The following ANKS1B variants were observed in gnomAD, a reference collection of about 807,000 sequenced individuals.
The protein encoded by ANKS1B is ankyrin repeat and sterile alpha motif domain containing 1B.
ANKS1B carries 36 observed loss-of-function variants against 148.3 expected under a neutral mutation model. That is an observed-to-expected ratio of 0.24 (90% CI 0.19 to 0.32). The LOEUF (loss-of-function observed/expected upper bound fraction) is 0.32. ANKS1B is among the 10% of genes least tolerant of loss of function. ANKS1B has a pLI of 1.00. For missense variants in ANKS1B, 1,157 were observed against 1,542.6 expected (o/e 0.75, Z 4.19); for synonymous variants, 542 against 560.8 (o/e 0.97, Z 0.47).
intron 12 of ANKS1B, among the ~76,000 whole-genome samples, chr12:99,346,832 C>T (rs573384989): frequency 1.3e-5 from 2 of 152,060 alleles, no homozygotes; most frequent in East Asian, 1.9e-4. Context: ...CCCTGTAAGA[C>T]GTGCCTGCTT....
In ANKS1B at chr12:98,829,135, T is replaced by C. The variant is rs770678244; in HGVS notation, c.3066+39A>G. The C allele has an allele frequency of 2.0e-5, 33 of 1,611,942 alleles. No homozygotes were observed. Among genetic ancestry groups the C allele is most frequent in the African/African-American group, 4.0e-5 (3 of 74,842 alleles). On this transcript the variant is annotated intron_variant, in intron 19 of 26. Transcript: ENST00000683438. The surrounding 1 kb of genome is among the most constrained non-coding windows in gnomAD (Gnocchi z 5.2). ...TTCACTATTAAAAGGCATTACCTGA[T>C]ATGGTTGAAAAATATCACAAAGGCT... is the stretch of plus-strand genomic sequence containing the variant.
At chr12:99,542,347 C>CA (rs1394498472) in intron 9 of ANKS1B, among the ~76,000 whole-genome samples, 16 of 151,342 alleles carry the variant, frequency 1.1e-4, no homozygotes, top group South Asian at 2.1e-4. Flanking sequence ...ATGAACTTCA[C>CA]AAAAAAAATC....
chr12:99,121,017 C>T (rs554077042), intron 15 of ANKS1B, among the ~76,000 whole-genome samples: 1 of 151,892 alleles, frequency 6.6e-6, no homozygotes, highest in Non-Finnish European at 1.5e-5. Flanking sequence ...TTAAAGGGAT[C>T]TGATAGGAGA....
At chr12:99,959,413 G>T in intron 1 of ANKS1B, among the ~76,000 whole-genome samples, 1 of 151,658 alleles carries the variant, frequency 6.6e-6, no homozygotes, top group East Asian at 1.9e-4. Context: ...AATTCATTTA[G>T]ACTTCTCTCC....
chr12:98,994,686 C>T (rs923054187), intron 17 of ANKS1B, among the ~76,000 whole-genome samples: 1 of 152,196 alleles, frequency 6.6e-6, no homozygotes, highest in South Asian at 2.1e-4. Flanking sequence ...GCAGGGCTGA[C>T]TGCTTCTAAA....
At chr12:99,699,026 G>A (rs2054382419) in intron 8 of ANKS1B, among the ~76,000 whole-genome samples, 1 of 152,094 alleles carries the variant, frequency 6.6e-6, no homozygotes, top group Non-Finnish European at 1.5e-5. Flanking sequence ...AGCTCTAACA[G>A]ATTTTCTTAT....
chr12:98,832,339 A>C (rs1189329606), intron 17 of ANKS1B, among the ~76,000 whole-genome samples: 1 of 152,164 alleles, frequency 6.6e-6, no homozygotes, highest in East Asian at 1.9e-4. Context: ...TCAGGGGCAC[A>C]AAGAGAAGGG....
rs1481947808 is a variant in ANKS1B, at chr12:98,786,944, C to G, written c.3343-4807G>C. Among the ~76,000 whole-genome samples, 9 of 152,174 alleles carry G rather than the reference C, an allele frequency of 5.9e-5. No homozygotes were observed. The East Asian group carries it at 1.7e-3, about 29-fold the overall frequency. ...CATCCAACTTACAGTATATTTTTAA[C>G]CTACACATGGCTATCCTGAGAATGC... On this transcript the variant is annotated intron_variant, in intron 22 of 26. Coordinates refer to ENST00000683438, the MANE Select transcript of ANKS1B (RefSeq NM_001352186.2).
intron 19 of ANKS1B, among the ~76,000 whole-genome samples, chr12:98,808,210 A>T (rs937706032): frequency 5.9e-5 from 9 of 152,204 alleles, no homozygotes; most frequent in Non-Finnish European, 1.0e-4. Flanking sequence ...ATTTGCCGGA[A>T]AACCAGAAAT....
At chr12:98,984,805 T>A (rs2153233392) in intron 17 of ANKS1B, among the ~76,000 whole-genome samples, 1 of 151,666 alleles carries the variant, frequency 6.6e-6, no homozygotes, top group South Asian at 2.1e-4. Flanking sequence ...AACCCAGGAG[T>A]TTAAGACCAG....
intron 17 of ANKS1B, among the ~76,000 whole-genome samples, chr12:98,844,158 G>GCATTTACTCTATATGCATTTTGGT (rs2099429482): frequency 6.6e-6 from 1 of 152,072 alleles, no homozygotes; most frequent in South Asian, 2.1e-4. Flanking sequence ...GTTGGTACTG[G>GCATTTACTCTATATGCATTTTGGT]CATTTACTCT....
At chr12:99,883,151 G>C (rs541442240) in intron 1 of ANKS1B, among the ~76,000 whole-genome samples, 1 of 152,284 alleles carries the variant, frequency 6.6e-6, no homozygotes, top group South Asian at 2.1e-4. Context: ...TTTAGAGTAT[G>C]TTTAACAGTT....
chr12:99,188,579 C>T (rs1470327145), intron 14 of ANKS1B, among the ~76,000 whole-genome samples: 1 of 152,166 alleles, frequency 6.6e-6, no homozygotes, highest in Non-Finnish European at 1.5e-5. Context: ...ACTGAACAAC[C>T]TGCTCCTGAA....
rs138415410 is a variant in ANKS1B, at chr12:99,578,794, G to A, written c.1273-74153C>T. On this transcript the variant is annotated intron_variant, in intron 9 of 26. Coordinates refer to ENST00000683438, the MANE Select transcript of ANKS1B (RefSeq NM_001352186.2). Reference sequence around the variant, plus strand: ...CTGCCCATAGCAATTTACAGATTCAGTGATATTCCTGTGAAACTACCAACA... The same window carrying A: ...CTGCCCATAGCAATTTACAGATTCAATGATATTCCTGTGAAACTACCAACA... 4.4e-3 allele frequency among the ~76,000 whole-genome samples: 670 copies of A among 152,116 alleles called. 4 individuals carry two copies. The highest frequency in any genetic ancestry group is 0.016 in the African/African-American group (650 of 41,508).
At position 99,220,588 on chromosome 12, in the gene ANKS1B, A is replaced by G. The variant is rs528461948; in HGVS notation, c.2419+23754T>C. 1.4e-3 allele frequency among the ~76,000 whole-genome samples: 215 copies of G among 151,320 alleles called. 1 individual carries two copies. The highest frequency in any genetic ancestry group is 5.0e-3 in the African/African-American group (207 of 41,176). On this transcript the variant is annotated intron_variant, in intron 14 of 26. Transcript: ENST00000683438. ...CAGCCTCCCAAGCAGCTGGGACTAC[A>G]GGCACCCACCACCACCCCCGGCTAA...
intron 16 of ANKS1B, among the ~76,000 whole-genome samples, chr12:99,063,019 C>T (rs2042947128): frequency 6.6e-6 from 1 of 152,064 alleles, no homozygotes; most frequent in Non-Finnish European, 1.5e-5. Flanking sequence ...TGGTGAAGGT[C>T]CTCACGTGGG....
intron 12 of ANKS1B, among the ~76,000 whole-genome samples, chr12:99,308,795 AT>A (rs957882645): frequency 6.6e-6 from 1 of 151,232 alleles, no homozygotes; most frequent in Non-Finnish European, 1.5e-5. Flanking sequence ...ACTGTTCTGT[AT>A]TTTTTTCCAC....
chr12:99,702,726 G>GTAGAGGCAAAGTTTCCCTATGTTGCC (rs2055062571), intron 8 of ANKS1B, among the ~76,000 whole-genome samples: 2 of 116,564 alleles, frequency 1.7e-5, no homozygotes, highest in Non-Finnish European at 3.6e-5. Context: ...TTTTTTTTTT[G>GTAGAGGCAAAGTTTCCCTATGTTGCC]TAGAGGCAGA....
chr12:99,305,504 A>T (rs2082218079), intron 12 of ANKS1B, among the ~76,000 whole-genome samples: 1 of 152,118 alleles, frequency 6.6e-6, no homozygotes, highest in Non-Finnish European at 1.5e-5. Context: ...GGAATATTTT[A>T]GCTCTGAAAA....
Sources: gnomAD v4.1 joint callset for allele counts (sites outside exome capture counted in the v4.1 genomes callset) on GRCh38, gnomAD v4.1.1 for gene constraint, Gnocchi (gnomAD v3.1) non-coding constraint, MANE v1.5 for transcripts, NCBI Gene and HGNC (gene_info 2026-07-23, HGNC 2026-07-21) for gene names.